The following OSBPL10 variants were observed in gnomAD, a reference collection of about 807,000 sequenced individuals.
The protein encoded by OSBPL10 is oxysterol binding protein like 10, also known as oxysterol-binding protein-related protein 10.
Under a neutral mutation model 81.7 loss-of-function variants are expected in OSBPL10, and 49 were observed. That is an observed-to-expected ratio of 0.60 (90% CI 0.48 to 0.76). The LOEUF is 0.76. OSBPL10 is among the 30% of genes least tolerant of loss of function. The pLI, the probability that OSBPL10 is intolerant of heterozygous loss-of-function variation, is 0.00. For missense variants in OSBPL10, 923 were observed against 987.8 expected (o/e 0.93, Z 0.88); for synonymous variants, 419 against 383.6 (o/e 1.09, Z -1.08).
rs1699756579 is a variant in OSBPL10 at position 32,062,218 on chromosome 3, C to T, written n.185+15178G>A. Among the ~76,000 whole-genome samples the T allele has an allele frequency of 2.2e-5, 2 of 92,804 alleles. 1 individual carries two copies. The highest frequency in any genetic ancestry group is 5.5e-5 in the African/African-American group (2 of 36,094). The allele number at this position is 92,804 out of a possible 152,430, so 60.9% of individuals were successfully genotyped here. A position where few individuals can be genotyped will look rare whatever the true frequency, so the allele number is the denominator to read the frequency against. On this transcript the variant is annotated intron_variant and non_coding_transcript_variant, in intron 1 of 3. Transcript: ENST00000479173. ...CACCTCCCAGGTTCAAGAGATTCTG[C>T]CTCAGCCTCCCAAGTAGCTGGGAAT...
intron 3 of OSBPL10, among the ~76,000 whole-genome samples, chr3:31,850,037 T>C (rs1483749094): frequency 6.6e-6 from 1 of 152,130 alleles, no homozygotes; most frequent in Non-Finnish European, 1.5e-5. Context: ...TGGTGGTGCA[T>C]TCCTGTAATC....
intron 6 of OSBPL10, among the ~76,000 whole-genome samples, chr3:31,715,814 G>C (rs1449089286): frequency 6.6e-6 from 1 of 152,160 alleles, no homozygotes; most frequent in East Asian, 1.9e-4. Flanking sequence ...TTTGTGCTGG[G>C]TGATGGATTT....
intron 7 of OSBPL10, among the ~76,000 whole-genome samples, chr3:31,685,453 T>C (rs914740820): frequency 6.6e-6 from 1 of 152,234 alleles, no homozygotes; most frequent in Non-Finnish European, 1.5e-5. Context: ...TCCACCCGTC[T>C]TGGCCTCCCA....
chr3:31,908,891 A>G (rs1249525071), intron 1 of OSBPL10, among the ~76,000 whole-genome samples: 1 of 152,168 alleles, frequency 6.6e-6, no homozygotes, highest in Non-Finnish European at 1.5e-5. Flanking sequence ...TTTGGCTTTC[A>G]CTTAACTAGT....
At chr3:31,724,206 C>A (rs1405474537) in intron 6 of OSBPL10, among the ~76,000 whole-genome samples, 1 of 152,200 alleles carries the variant, frequency 6.6e-6, no homozygotes, top group Non-Finnish European at 1.5e-5. Flanking sequence ...AAGCCCTTTT[C>A]ATTCACCAGT....
At chr3:32,054,526 C>CTTTTGTTTT (rs1699692346) in intron 1 of OSBPL10, among the ~76,000 whole-genome samples, 1 of 86,604 alleles carries the variant, frequency 1.2e-5, no homozygotes, top group Non-Finnish European at 2.0e-5. Context: ...TCAATGGTGG[C>CTTTTGTTTT]TTTTTTTTTT....
chr3:31,861,356 C>A (rs1316987749), intron 3 of OSBPL10, among the ~76,000 whole-genome samples: 1 of 152,128 alleles, frequency 6.6e-6, no homozygotes, highest in African/African-American at 2.4e-5. Context: ...CTGTAAATCA[C>A]CTCTAAATTA....
intron 1 of OSBPL10, among the ~76,000 whole-genome samples, chr3:31,886,098 A>G (rs1464723785): frequency 1.1e-4 from 16 of 152,056 alleles, no homozygotes; most frequent in Admixed American, 1.0e-3. Context: ...GCCAGAAGTT[A>G]GAGCCAAACT....
At chr3:32,035,322 G>GAGGCAA (rs1699506575) in intron 2 of OSBPL10, among the ~76,000 whole-genome samples, 2 of 152,144 alleles carry the variant, frequency 1.3e-5, no homozygotes, top group African/African-American at 4.8e-5. Context: ...AGCACTTTTG[G>GAGGCAA]AGGCAAAGGC....
intron 5 of OSBPL10, 94 bp downstream of exon 5, chr3:31,747,816 A>C: frequency 7.8e-7 from 1 of 1,287,346 alleles, no homozygotes; most frequent in Non-Finnish European, 1.1e-6. Context: ...GATGGATCGT[A>C]GAGAAATGGA....
At chr3:31,690,363 T>C (rs1375358430) in intron 7 of OSBPL10, among the ~76,000 whole-genome samples, 2 of 152,214 alleles carry the variant, frequency 1.3e-5, no homozygotes, top group African/African-American at 2.4e-5. Flanking sequence ...CCAGAACTTG[T>C]ACAGCCTGCA....
Position 31,756,900 on chromosome 3 carries a change from C to T in OSBPL10, c.730-8780G>A, listed in dbSNP as rs543628126. Among the ~76,000 whole-genome samples, 313 of 152,220 alleles carry T rather than the reference C, an allele frequency of 2.1e-3. 2 individuals carry two copies. The highest frequency in any genetic ancestry group is 7.2e-3 in the African/African-American group (300 of 41,530). ...GACAGGCAATGAGCAGGTGAAGAAC[C>T]AATGGAAAAGTGTTCAGAAACTCCT... is the stretch of plus-strand genomic sequence containing the variant. On this transcript the variant is annotated intron_variant, in intron 4 of 11. Coordinates refer to ENST00000396556, the MANE Select transcript of OSBPL10 (RefSeq NM_017784.5).
chr3:31,849,056 T>C (rs1166083671), intron 3 of OSBPL10, among the ~76,000 whole-genome samples: 1 of 152,196 alleles, frequency 6.6e-6, no homozygotes, highest in East Asian at 1.9e-4. Flanking sequence ...CTGTGTCAGT[T>C]CCAAGCCTAG....
At chr3:31,709,183 T>G (rs1390760527) in intron 6 of OSBPL10, 1 of 329,464 alleles carries the variant, frequency 3.0e-6, no homozygotes, top group South Asian at 1.2e-4. Context: ...CTTTCGGAGA[T>G]GCTGAGTTTG....
intron 3 of OSBPL10, among the ~76,000 whole-genome samples, chr3:31,857,816 A>AAGGGAGAGGGAG (rs369541794): frequency 3.9e-4 from 3 of 7,788 alleles, no homozygotes; most frequent in Non-Finnish European, 5.8e-4. Flanking sequence ...GAGAGAGAGA[A>AAGGGAGAGGGAG]AGGGAGAGGG....
intron 1 of OSBPL10, among the ~76,000 whole-genome samples, chr3:31,886,374 A>G (rs1424980713): frequency 6.6e-6 from 1 of 152,054 alleles, no homozygotes; most frequent in African/African-American, 2.4e-5. Flanking sequence ...ACTGCCACAC[A>G]AGATGGTCAA....
intron 4 of OSBPL10, among the ~76,000 whole-genome samples, chr3:31,803,809 T>G (rs116170901): frequency 6.6e-6 from 1 of 152,204 alleles, no homozygotes; most frequent in African/African-American, 2.4e-5. Context: ...TAGATTGGGG[T>G]CATGTGCACT....
chr3:31,975,419 G>C (rs1202171152), intron 1 of OSBPL10, among the ~76,000 whole-genome samples: 1 of 152,156 alleles, frequency 6.6e-6, no homozygotes, highest in Non-Finnish European at 1.5e-5. Context: ...CTTCAAGGTG[G>C]CTTTAAAAAT....
chr3:31,790,061 C>G (rs957378786), intron 4 of OSBPL10, among the ~76,000 whole-genome samples: 1 of 152,048 alleles, frequency 6.6e-6, no homozygotes, highest in Non-Finnish European at 1.5e-5. Flanking sequence ...ATATTCCTTA[C>G]TTTAGCTAAC....
Sources: allele counts gnomAD v4.1 joint callset (sites outside exome capture counted in the v4.1 genomes callset), GRCh38; gene constraint gnomAD v4.1.1; transcripts MANE v1.5; gene names NCBI Gene and HGNC (gene_info 2026-07-23, HGNC 2026-07-21).